Variants in NDUFAF2 observed in about 807,000 individuals in gnomAD.
NDUFAF2 encodes NADH:ubiquinone oxidoreductase complex assembly factor 2.
Under a neutral mutation model 22.8 loss-of-function variants are expected in NDUFAF2, and 13 were observed. The ratio of observed to expected loss-of-function variants is 0.57; its 90% CI spans 0.37 to 0.91. NDUFAF2 has a LOEUF of 0.91. Ranked by LOEUF, NDUFAF2 falls within the 40% of genes least tolerant of loss-of-function variation. The pLI is 0.01. For synonymous variants in NDUFAF2, 53 were observed against 64.2 expected (o/e 0.83, Z 0.84); for missense variants, 162 against 195.2 (o/e 0.83, Z 1.01).
At chr5:61,058,301 A>G (rs1291550575) in intron 1 of NDUFAF2, among the ~76,000 whole-genome samples, 1 of 152,074 alleles carries the variant, frequency 6.6e-6, no homozygotes, top group Non-Finnish European at 1.5e-5. Flanking sequence ...TTACCTATAT[A>G]TTGAAAGCCC....
At chr5:61,068,643 A>G (rs1752258582) in intron 1 of NDUFAF2, among the ~76,000 whole-genome samples, 2 of 152,082 alleles carry the variant, frequency 1.3e-5, no homozygotes, top group Non-Finnish European at 2.9e-5. Flanking sequence ...GGTATTTTCC[A>G]GATTTTCTTC....
chr5:60,973,773 A>G (rs1750866411), intron 1 of NDUFAF2, among the ~76,000 whole-genome samples: 1 of 152,128 alleles, frequency 6.6e-6, no homozygotes, highest in African/African-American at 2.4e-5. Context: ...GATCCTTTTT[A>G]ATACTTTTTA....
At chr5:60,960,977 G>A (rs1460385795) in intron 1 of NDUFAF2, among the ~76,000 whole-genome samples, 1 of 152,106 alleles carries the variant, frequency 6.6e-6, no homozygotes, top group African/African-American at 2.4e-5. Flanking sequence ...GACAGAAAGT[G>A]CTCAAAAGGG....
chr5:61,062,204 C>T (rs983838418), intron 1 of NDUFAF2, among the ~76,000 whole-genome samples: 2 of 152,068 alleles, frequency 1.3e-5, no homozygotes, highest in African/African-American at 4.8e-5. Flanking sequence ...TCTTCAGTAG[C>T]TGACCAAAGA....
intron 1 of NDUFAF2, among the ~76,000 whole-genome samples, chr5:60,984,692 A>G (rs1238855885): frequency 1.3e-5 from 2 of 152,216 alleles, no homozygotes; most frequent in African/African-American, 2.4e-5. Flanking sequence ...ATGCTGGATT[A>G]CGTGTATTGT....
In NDUFAF2 at chr5:61,123,560, G is replaced by A. The variant is rs961127128; in HGVS notation, c.258+24528G>A. Among the ~76,000 whole-genome samples, 12 of 152,250 alleles carry A rather than the reference G, an allele frequency of 7.9e-5. No homozygotes were observed. The South Asian group carries it at 1.9e-3, about 24-fold the overall frequency. ...TAACTGAAATGTCATTGCATAGCAC[G>A]TAACTGTAATTAAATCCAACTTACT... is the stretch of plus-strand genomic sequence containing the variant. On this transcript the variant is annotated intron_variant, in intron 3 of 3. Coordinates refer to ENST00000296597, the MANE Select transcript of NDUFAF2 (RefSeq NM_174889.5).
intron 1 of NDUFAF2, among the ~76,000 whole-genome samples, chr5:61,067,243 T>C (rs1165150692): frequency 6.6e-6 from 1 of 152,060 alleles, no homozygotes; most frequent in African/African-American, 2.4e-5. Context: ...TGTGCCATGA[T>C]GGTGTGCTGC....
At chr5:61,020,934 TC>T (rs1012977738) in intron 1 of NDUFAF2, among the ~76,000 whole-genome samples, 10 of 151,514 alleles carry the variant, frequency 6.6e-5, no homozygotes, top group African/African-American at 2.4e-4. Context: ...GACCTCGTGA[TC>T]CGCCTGCCTC....
In NDUFAF2 at chr5:61,072,977, A is replaced by G. The variant is rs1409844957; in HGVS notation, c.128-148A>G. 5.7e-5 allele frequency: 34 copies of G among 600,968 alleles called. 1 individual carries two copies. The highest frequency in any genetic ancestry group is 7.5e-5 in the African/African-American group (4 of 53,572). 37.2% of individuals were successfully genotyped at this position (600,968 alleles called of 1,614,324 possible). A position where few individuals can be genotyped will look rare whatever the true frequency, so the allele number is the denominator to read the frequency against. ...GTTTAGAATTTGCCTTTTGTAATAT[A>G]CCTAATTCAAAATGGAAATCTATTC... On this transcript the variant is annotated intron_variant, in intron 1 of 3. Transcript: ENST00000296597.
chr5:61,057,669 T>C (rs1752116270), intron 1 of NDUFAF2, among the ~76,000 whole-genome samples: 1 of 152,156 alleles, frequency 6.6e-6, no homozygotes, highest in South Asian at 2.1e-4. Context: ...TGAATAGTTT[T>C]GTAAATTGAA....
intron 1 of NDUFAF2, among the ~76,000 whole-genome samples, chr5:60,997,789 C>T (rs540680146): frequency 8.5e-5 from 13 of 152,184 alleles, no homozygotes; most frequent in Non-Finnish European, 1.9e-4. Flanking sequence ...GATTCCCTCC[C>T]TCTTATATTC....
intron 3 of NDUFAF2, among the ~76,000 whole-genome samples, chr5:61,142,908 G>A (rs1006031045): frequency 6.6e-6 from 1 of 152,070 alleles, no homozygotes; most frequent in Non-Finnish European, 1.5e-5. Flanking sequence ...TTTCGTAGAT[G>A]AAAAAGGGTG....
chr5:61,094,107 A>G (rs576547730), intron 2 of NDUFAF2, among the ~76,000 whole-genome samples: 5 of 152,246 alleles, frequency 3.3e-5, no homozygotes, highest in African/African-American at 7.2e-5. Flanking sequence ...GATACCCCGT[A>G]TCTTTTAGAT....
intron 1 of NDUFAF2, among the ~76,000 whole-genome samples, chr5:60,953,890 G>T (rs1273627148): frequency 6.6e-6 from 1 of 152,034 alleles, no homozygotes; most frequent in Non-Finnish European, 1.5e-5. Flanking sequence ...AATTTAGTCG[G>T]TATAAAATTA....
chr5:61,115,078 A>C (rs922555386), intron 3 of NDUFAF2: 1 of 152,240 alleles, frequency 6.6e-6, no homozygotes, highest in African/African-American at 2.4e-5. Context: ...TTAGGAATCT[A>C]TCTGTTGCTC....
At chr5:61,132,647 G>A (rs1164915123) in intron 3 of NDUFAF2, among the ~76,000 whole-genome samples, 1 of 152,112 alleles carries the variant, frequency 6.6e-6, no homozygotes, top group Non-Finnish European at 1.5e-5. Context: ...ATGTTAGTGT[G>A]GTTCCTCCCT....
chr5:61,049,895 A>ACACACG (rs1554081287), intron 1 of NDUFAF2, among the ~76,000 whole-genome samples: 1 of 150,292 alleles, frequency 6.7e-6, no homozygotes, highest in African/African-American at 2.5e-5. Flanking sequence ...ATACACACAC[A>ACACACG]CACACACACA....
At chr5:60,953,414 A>G (rs1750573645) in intron 1 of NDUFAF2, among the ~76,000 whole-genome samples, 1 of 152,166 alleles carries the variant, frequency 6.6e-6, no homozygotes, top group Non-Finnish European at 1.5e-5. Context: ...GTTTTTTCAG[A>G]CATACTGTAC....
intron 1 of NDUFAF2, among the ~76,000 whole-genome samples, chr5:61,017,618 G>C (rs1459987663): frequency 1.3e-5 from 2 of 152,182 alleles, no homozygotes; most frequent in African/African-American, 4.8e-5. Flanking sequence ...AATTGAAGTA[G>C]CTGGGCAGGG....
Sources: allele counts gnomAD v4.1 joint callset (sites outside exome capture counted in the v4.1 genomes callset), GRCh38; gene constraint gnomAD v4.1.1; transcripts MANE v1.5; gene names NCBI Gene and HGNC (gene_info 2026-07-23, HGNC 2026-07-21).